Variants in OXCT1 observed in about 807,000 individuals in gnomAD.
OXCT1 encodes the protein succinyl-CoA:3-ketoacid coenzyme A transferase 1, mitochondrial.
A neutral mutation model predicts 69.6 loss-of-function variants in OXCT1; 27 were observed. The ratio of observed to expected loss-of-function variants is 0.39; its 90% confidence interval spans 0.29 to 0.54. The LOEUF (loss-of-function observed/expected upper bound fraction) is 0.54. OXCT1 is among the 20% of genes least tolerant of loss of function. The pLI is 0.72. For missense variants in OXCT1, 437 were observed against 650.2 expected (o/e 0.67, Z 3.57); for synonymous variants, 202 against 217.8 (o/e 0.93, Z 0.64).
chr5:41,851,356 C>T (rs6881873), intron 4 of OXCT1, among the ~76,000 whole-genome samples: 35,904 of 152,006 alleles, frequency 0.24, 4,434 homozygotes, highest in Middle Eastern at 0.34. Flanking sequence ...ATCTAGCCAA[C>T]GGAAAGAGAT....
rs530962147 is a variant in OXCT1, at chr5:41,809,570, T to C, written c.733-2132A>G. ...CCAAAAGGTCAGGCCCTCAAATCTC[T>C]TGCTATGATTGTGACAGCAGCTTCC... is the stretch of plus-strand genomic sequence containing the variant. On this transcript the variant is annotated intron_variant, in intron 7 of 16. Transcript: ENST00000196371. 1.2e-4 allele frequency among the ~76,000 whole-genome samples: 18 copies of C among 152,096 alleles called. No individual in the cohort carries two copies. In the South Asian group the frequency reaches 3.5e-3, roughly 30 times the overall value.
intron 5 of OXCT1, among the ~76,000 whole-genome samples, chr5:41,845,129 T>G (rs1748833537): frequency 6.6e-6 from 1 of 152,144 alleles, no homozygotes; most frequent in Admixed American, 6.6e-5. Flanking sequence ...ACTCTCTGCC[T>G]CATGTGCTGT....
chr5:41,763,765 G>A (rs553024436), intron 13 of OXCT1, among the ~76,000 whole-genome samples: 3 of 152,088 alleles, frequency 2.0e-5, no homozygotes, highest in African/African-American at 7.2e-5. Context: ...CCAAGCTAGA[G>A]AGTTAACAAC....
intron 16 of OXCT1, among the ~76,000 whole-genome samples, chr5:41,737,721 T>C (rs1042263048): frequency 8.5e-5 from 13 of 152,226 alleles, no homozygotes; most frequent in Non-Finnish European, 1.8e-4. Context: ...CAGGAACAGT[T>C]ATTATATGGA....
intron 15 of OXCT1, among the ~76,000 whole-genome samples, chr5:41,744,523 A>G (rs1479470261): frequency 3.3e-5 from 5 of 152,052 alleles, no homozygotes; most frequent in Admixed American, 2.6e-4. Context: ...TGGTGAGAGA[A>G]AGCATCCCTG....
At chr5:41,792,282 C>G (rs1191281521) in intron 13 of OXCT1, among the ~76,000 whole-genome samples, 1 of 152,142 alleles carries the variant, frequency 6.6e-6, no homozygotes, top group Non-Finnish European at 1.5e-5. Context: ...AGTTACACTG[C>G]CAGCAAGCGT....
intron 7 of OXCT1, among the ~76,000 whole-genome samples, chr5:41,838,870 G>A (rs539770762): frequency 1.3e-5 from 2 of 152,262 alleles, no homozygotes; most frequent in South Asian, 2.1e-4. Flanking sequence ...GCCTTCCAAA[G>A]TGCTGCGATA....
intron 14 of OXCT1, among the ~76,000 whole-genome samples, chr5:41,751,863 G>A (rs957538183): frequency 5.9e-5 from 9 of 152,080 alleles, no homozygotes; most frequent in Middle Eastern, 3.2e-3. Flanking sequence ...AATGGAGCTA[G>A]ATGATTCCAT....
At chr5:41,747,558 A>C (rs1157926783) in intron 15 of OXCT1, among the ~76,000 whole-genome samples, 2 of 152,052 alleles carry the variant, frequency 1.3e-5, no homozygotes, top group Non-Finnish European at 2.9e-5. Flanking sequence ...GCACCCAGAA[A>C]ATTTGGGGAG....
At chr5:41,737,201 T>C (rs2111983735) in intron 16 of OXCT1, among the ~76,000 whole-genome samples, 1 of 152,308 alleles carries the variant, frequency 6.6e-6, no homozygotes, top group East Asian at 1.9e-4. Flanking sequence ...AACATTGACA[T>C]ACAAATTAAC....
chr5:41,784,808 T>C (rs761999664), intron 13 of OXCT1, among the ~76,000 whole-genome samples: 13 of 152,222 alleles, frequency 8.5e-5, no homozygotes, highest in African/African-American at 2.7e-4. Flanking sequence ...TTGTAAAAAA[T>C]AGATTTAGAA....
Position 41,731,247 on chromosome 5 carries a change from G to A in OXCT1, c.*482C>T. 1 of 335,868 alleles carries A rather than the reference G, an allele frequency of 3.0e-6. No individual in the cohort carries two copies. 20.8% of individuals were successfully genotyped at this position (335,868 alleles called of 1,614,324 possible). ...GGGAGGAAGGGGGATGTTCTAGGGG[G>A]ACAAGATGTAATCATAAAATCTGAA... On this transcript the variant is annotated 3_prime_UTR_variant, in exon 17 of 17. Transcript: ENST00000196371.
chr5:41,833,524 GAAA>G (rs70988870), intron 7 of OXCT1, among the ~76,000 whole-genome samples: 1 of 137,546 alleles, frequency 7.3e-6, no homozygotes, highest in Non-Finnish European at 1.5e-5. Context: ...TCTTTGATCT[GAAA>G]AAAAAAAAAA....
chr5:41,759,921 A>G (rs77441020), intron 14 of OXCT1, among the ~76,000 whole-genome samples: 12,719 of 152,174 alleles, frequency 0.084, 679 homozygotes, highest in Non-Finnish European at 0.11. Flanking sequence ...CTTTACTCCC[A>G]TGTCTTACAA....
At chr5:41,801,409 T>C (rs1015058196) in intron 10 of OXCT1, among the ~76,000 whole-genome samples, 3 of 152,142 alleles carry the variant, frequency 2.0e-5, no homozygotes, top group Admixed American at 6.5e-5. Context: ...GTAAAACTAA[T>C]GTAGGCCAGG....
At chr5:41,731,859 G>A (rs1742650628) in intron 16 of OXCT1, 89 bp from the exon 17 acceptor site, 4 of 1,445,096 alleles carry the variant, frequency 2.8e-6, no homozygotes. Flanking sequence ...AATCATGTAG[G>A]CAACAAGCAG....
chr5:41,850,205 T>C, intron 4 of OXCT1, 26 bp from the exon 5 acceptor site: 1 of 1,612,188 alleles, frequency 6.2e-7, no homozygotes, highest in Non-Finnish European at 8.5e-7. Context: ...CAACACCCCA[T>C]AAGTTCACTA....
chr5:41,843,917 A>T (rs6877299), intron 5 of OXCT1, among the ~76,000 whole-genome samples: 2 of 152,236 alleles, frequency 1.3e-5, no homozygotes, highest in African/African-American at 2.4e-5. Context: ...AAGATAAATT[A>T]TATGAAAGAT....
At chr5:41,735,347 A>G (rs1204064263) in intron 16 of OXCT1, among the ~76,000 whole-genome samples, 1 of 152,246 alleles carries the variant, frequency 6.6e-6, no homozygotes, top group Non-Finnish European at 1.5e-5. Flanking sequence ...GCCAGTCACA[A>G]AAGGGCAAAT....
Sources: allele counts gnomAD v4.1 joint callset (sites outside exome capture counted in the v4.1 genomes callset), GRCh38; gene constraint gnomAD v4.1.1; transcripts MANE v1.5; gene names NCBI Gene and HGNC (gene_info 2026-07-23, HGNC 2026-07-21).